The following LRRC4C variants were observed in gnomAD, a reference collection of about 807,000 sequenced individuals.
The protein encoded by LRRC4C is leucine rich repeat containing 4C, also known as leucine-rich repeat-containing protein 4C.
LRRC4C carries 5 observed loss-of-function variants against 33.6 expected under a neutral mutation model. That is an observed-to-expected ratio of 0.15 (90% CI 0.08 to 0.31). The LOEUF is 0.31. Ranked by LOEUF, LRRC4C falls within the 10% of genes least tolerant of loss-of-function variation. LRRC4C has a pLI of 1.00. For synonymous variants in LRRC4C, 329 were observed against 302.0 expected, an observed-to-expected ratio of 1.09 and a Z score of -0.93; for missense variants, 560 against 796.7, an observed-to-expected ratio of 0.70 and a Z score of 3.58.
chr11:40,340,415 C>T (rs1946814298), intron 3 of LRRC4C, among the ~76,000 whole-genome samples: 1 of 152,070 alleles, frequency 6.6e-6, no homozygotes, highest in Non-Finnish European at 1.5e-5. Context: ...ACTACTTTTA[C>T]CCACCTTGCT....
chr11:40,786,877 T>C (rs1020880114), intron 2 of LRRC4C, among the ~76,000 whole-genome samples: 4 of 151,304 alleles, frequency 2.6e-5, no homozygotes, highest in Non-Finnish European at 4.4e-5. Flanking sequence ...AGAAAACATT[T>C]GTAATAAGAA....
At chr11:41,266,123 C>T (rs1949143989) in intron 1 of LRRC4C, among the ~76,000 whole-genome samples, 1 of 151,998 alleles carries the variant, frequency 6.6e-6, no homozygotes, top group Non-Finnish European at 1.5e-5. Flanking sequence ...TAACTAATCT[C>T]CTTCATATTA....
intron 1 of LRRC4C, among the ~76,000 whole-genome samples, chr11:41,449,599 G>C (rs1291681785): frequency 2.0e-5 from 3 of 151,972 alleles, no homozygotes; most frequent in African/African-American, 7.3e-5. Flanking sequence ...CAAATTAGCT[G>C]TTTCTCTGTT....
intron 2 of LRRC4C, among the ~76,000 whole-genome samples, chr11:40,735,005 G>A (rs1278539068): frequency 7.2e-5 from 11 of 151,956 alleles, no homozygotes; most frequent in Admixed American, 7.2e-4. Context: ...TCTGCAGCTG[G>A]GAGGCTCTCC....
intron 1 of LRRC4C, among the ~76,000 whole-genome samples, chr11:41,004,929 A>G (rs117317695): frequency 0.029 from 4,407 of 152,244 alleles, 105 homozygotes; most frequent in Admixed American, 0.074. Context: ...TAGAAAACAG[A>G]AAAAAATGCT....
chr11:40,585,830 C>T (rs1231589665), intron 3 of LRRC4C, among the ~76,000 whole-genome samples: 1 of 135,826 alleles, frequency 7.4e-6, no homozygotes, highest in African/African-American at 2.7e-5. Flanking sequence ...GCATAGTATT[C>T]CATGGTGTAT....
intron 2 of LRRC4C, among the ~76,000 whole-genome samples, chr11:40,756,925 T>C (rs1227190795): frequency 6.6e-6 from 1 of 151,998 alleles, no homozygotes; most frequent in Non-Finnish European, 1.5e-5. Context: ...GAGGATTTTG[T>C]CATGTTTGGA....
chr11:40,299,047 G>T (rs183146577), intron 4 of LRRC4C, among the ~76,000 whole-genome samples: 1 of 152,132 alleles, frequency 6.6e-6, no homozygotes, highest in Non-Finnish European at 1.5e-5. Flanking sequence ...TGTATAAAAC[G>T]AAAGCAAGTG....
intron 1 of LRRC4C, among the ~76,000 whole-genome samples, chr11:40,958,121 C>A (rs1249316054): frequency 6.6e-6 from 1 of 151,666 alleles, no homozygotes; most frequent in African/African-American, 2.4e-5. Context: ...CCTCACCACA[C>A]ACTGAATCTG....
intron 1 of LRRC4C, among the ~76,000 whole-genome samples, chr11:41,334,651 T>C (rs1001075775): frequency 6.6e-6 from 1 of 152,052 alleles, no homozygotes; most frequent in Non-Finnish European, 1.5e-5. Context: ...GGGTAAAAAG[T>C]GAGACCCTCT....
chr11:41,316,218 G>GT (rs1322229936), intron 1 of LRRC4C, among the ~76,000 whole-genome samples: 1 of 113,692 alleles, frequency 8.8e-6, no homozygotes, highest in Non-Finnish European at 1.7e-5. Flanking sequence ...GGGTAACAGA[G>GT]TTTTTTCAGC....
intron 2 of LRRC4C, among the ~76,000 whole-genome samples, chr11:40,872,374 A>G (rs1391066749): frequency 6.6e-6 from 1 of 152,114 alleles, no homozygotes; most frequent in East Asian, 1.9e-4. Flanking sequence ...AATTGGGAGA[A>G]CAGTTTATGA....
intron 2 of LRRC4C, among the ~76,000 whole-genome samples, chr11:40,907,191 G>A (rs1233305806): frequency 6.6e-6 from 1 of 152,220 alleles, no homozygotes; most frequent in Non-Finnish European, 1.5e-5. Context: ...CATTGACAGA[G>A]ACTGAGATGT....
At chr11:40,739,701 T>C (rs1405241958) in intron 2 of LRRC4C, among the ~76,000 whole-genome samples, 1 of 151,936 alleles carries the variant, frequency 6.6e-6, no homozygotes, top group Non-Finnish European at 1.5e-5. Context: ...GATACGGTTA[T>C]AAGCATCTGG....
chr11:40,375,777 A>G lies in LRRC4C; in HGVS notation c.-269-56056T>C, dbSNP rs965090481. Among the ~76,000 whole-genome samples the G allele has an allele frequency of 3.3e-5, 5 of 152,272 alleles. 1 individual carries two copies. Among genetic ancestry groups the G allele is most frequent in the African/African-American group, 1.2e-4 (5 of 41,572 alleles). ...ACTTCCTGTTCTCATTGAACTGACCAACGCTTGGGAGTAGACAGACAGGCT... is the reference window on the plus strand; with the variant it reads ...ACTTCCTGTTCTCATTGAACTGACCGACGCTTGGGAGTAGACAGACAGGCT... On this transcript the variant is annotated intron_variant, in intron 3 of 6. Coordinates refer to ENST00000528697, the MANE Select transcript of LRRC4C (RefSeq NM_001258419.2).
At chr11:41,061,757 C>CAG (rs1397583377) in intron 1 of LRRC4C, among the ~76,000 whole-genome samples, 7 of 151,892 alleles carry the variant, frequency 4.6e-5, no homozygotes, top group Non-Finnish European at 1.0e-4. Flanking sequence ...TGAGGTGAGG[C>CAG]AGATTCACGT....
chr11:41,435,562 C>T (rs1955397433), intron 1 of LRRC4C, among the ~76,000 whole-genome samples: 1 of 152,206 alleles, frequency 6.6e-6, no homozygotes, highest in Non-Finnish European at 1.5e-5. Flanking sequence ...GCTTTACACA[C>T]ATAATTTAAA....
chr11:40,746,601 C>T (rs572429384), intron 2 of LRRC4C, among the ~76,000 whole-genome samples: 2 of 152,312 alleles, frequency 1.3e-5, no homozygotes, highest in East Asian at 3.9e-4. Context: ...TCACCACACC[C>T]TTTTCTCACA....
In LRRC4C at chr11:40,937,876, T is replaced by A. The variant is rs377640323; in HGVS notation, c.-495-4153A>T. ...TCTCCCATGTTTCCCAGGCTTGTCT[T>A]GAACTCATGTGTTCAAGTGATCCTT... On this transcript the variant is annotated intron_variant, in intron 1 of 6. Transcript: ENST00000528697. 7.2e-5 allele frequency among the ~76,000 whole-genome samples: 11 copies of A among 152,158 alleles called. No individual in the cohort carries two copies. In the South Asian group the frequency reaches 2.3e-3, roughly 32 times the overall value.
Sources: gnomAD v4.1 joint callset for allele counts (sites outside exome capture counted in the v4.1 genomes callset) on GRCh38, gnomAD v4.1.1 for gene constraint, MANE v1.5 for transcripts, NCBI Gene and HGNC (gene_info 2026-07-23, HGNC 2026-07-21) for gene names.